Variants in SORL1 observed in about 807,000 individuals in gnomAD.
SORL1 encodes the protein sortilin related receptor 1, also known as sortilin-related receptor.
SORL1 carries 127 observed loss-of-function variants against 273.7 expected under a neutral mutation model. The ratio of observed to expected loss-of-function variants is 0.46; its 90% confidence interval spans 0.40 to 0.54. SORL1 has a LOEUF of 0.54. Among genes scored for constraint, SORL1 ranks in the 20% least tolerant of loss-of-function variants. The pLI is 0.00. For missense variants in SORL1, 2,494 were observed against 2,846.1 expected (o/e 0.88, Z 2.81); for synonymous variants, 1,031 against 1,067.4 (o/e 0.97, Z 0.66).
At chr11:121,482,806 G>A (rs1861413256) in intron 3 of SORL1, among the ~76,000 whole-genome samples, 1 of 152,254 alleles carries the variant, frequency 6.6e-6, no homozygotes, top group Non-Finnish European at 1.5e-5. Flanking sequence ...AGGGCAGCGT[G>A]GATGTCTAGG....
At chr11:121,520,049 A>T (rs2134854742) in intron 8 of SORL1, among the ~76,000 whole-genome samples, 1 of 152,272 alleles carries the variant, frequency 6.6e-6, no homozygotes, top group South Asian at 2.1e-4. Flanking sequence ...TGAGGAGTTC[A>T]AGACCAGCCT....
chr11:121,508,250 C>T (rs1447726953), intron 6 of SORL1, among the ~76,000 whole-genome samples: 3 of 152,134 alleles, frequency 2.0e-5, no homozygotes, highest in African/African-American at 4.8e-5. Flanking sequence ...GACTAGACCC[C>T]GTTCATTTCT....
chr11:121,453,894 T>A (rs1860856699), intron 1 of SORL1, among the ~76,000 whole-genome samples: 1 of 152,232 alleles, frequency 6.6e-6, no homozygotes, highest in Non-Finnish European at 1.5e-5. Flanking sequence ...GCTGCTGAAA[T>A]ACCTCCTTTC....
intron 8 of SORL1, among the ~76,000 whole-genome samples, 164 bp from the exon 9 acceptor site, chr11:121,520,493 A>G (rs1862023196): frequency 6.6e-6 from 1 of 152,202 alleles, no homozygotes; most frequent in Non-Finnish European, 1.5e-5. Context: ...TTCCTTTTGG[A>G]ATGATGAAAT....
intron 25 of SORL1, among the ~76,000 whole-genome samples, chr11:121,578,550 C>T (rs559062183): frequency 3.0e-4 from 45 of 152,322 alleles, no homozygotes; most frequent in African/African-American, 1.0e-3. Context: ...TGCTTCCCCA[C>T]GGAGAGAGAT....
chr11:121,497,973 A>G (rs1031027804), intron 6 of SORL1, among the ~76,000 whole-genome samples: 3 of 152,182 alleles, frequency 2.0e-5, no homozygotes, highest in Non-Finnish European at 2.9e-5. Flanking sequence ...CCTTCTTAGT[A>G]GGATTTTAGG....
intron 12 of SORL1, among the ~76,000 whole-genome samples, chr11:121,541,092 C>T (rs1160731375): frequency 6.6e-6 from 1 of 152,240 alleles, no homozygotes; most frequent in Non-Finnish European, 1.5e-5. Flanking sequence ...TGAGATTTCT[C>T]CCCTTGTGAG....
chr11:121,558,103 C>A (rs1324461224), intron 19 of SORL1, among the ~76,000 whole-genome samples: 1 of 152,186 alleles, frequency 6.6e-6, no homozygotes, highest in Non-Finnish European at 1.5e-5. Context: ...TCTTGTGTAT[C>A]TTTCATGATT....
intron 13 of SORL1, 60 bp downstream of exon 13, chr11:121,543,786 C>A (rs1288469576): frequency 3.4e-6 from 5 of 1,485,368 alleles, no homozygotes; most frequent in Non-Finnish European, 3.7e-6. Context: ...CTGTTATGTG[C>A]AAAGCACCAG....
At chr11:121,551,060 T>A (rs1366592156) in intron 16 of SORL1, among the ~76,000 whole-genome samples, 1 of 152,258 alleles carries the variant, frequency 6.6e-6, no homozygotes, top group Non-Finnish European at 1.5e-5. Flanking sequence ...TATGTTAATT[T>A]TATAATAAAA....
At chr11:121,453,799 C>G (rs1329294520) in intron 1 of SORL1, among the ~76,000 whole-genome samples, 4 of 152,212 alleles carry the variant, frequency 2.6e-5, no homozygotes, top group Non-Finnish European at 5.9e-5. Flanking sequence ...CAAGGTCATA[C>G]CGGGAAGGTG....
At chr11:121,489,903 T>G in intron 4 of SORL1, 140 bp from the exon 5 acceptor site, 8 of 641,480 alleles carry the variant, frequency 1.2e-5, no homozygotes, top group Admixed American at 4.9e-5. Context: ...TTGGAGCAAC[T>G]GAGCTGGCTT....
chr11:121,509,262 T>A (rs1861837294), intron 6 of SORL1, among the ~76,000 whole-genome samples: 1 of 152,098 alleles, frequency 6.6e-6, no homozygotes, highest in Non-Finnish European at 1.5e-5. Flanking sequence ...GAGGGCTTAG[T>A]TCTTTACCCA....
At position 121,543,615 on chromosome 11, in the gene SORL1, G is replaced by A. The variant is rs1862379918; in HGVS notation, c.1753G>A (p.Gly585Ser). 1 of 1,613,908 alleles carries A rather than the reference G, an allele frequency of 6.2e-7. No homozygotes were observed. The highest frequency in any genetic ancestry group is 1.7e-5 in the Admixed American group (1 of 60,006). Residue 585 changes from glycine to serine, a missense_variant, in exon 13 of 48, where the codon GGC (glycine) becomes AGC (serine). By Grantham distance (56) the Gly-to-Ser change is moderately conservative. Transcript: ENST00000260197. ...CTCTGAGAAGCCAGTGTTTGTGTAT[G>A]GCCTCCTCACAGAACCTGGGGAGAA... ...IFSEKPVFVY[G>S]LLTEPGEKST...
Position 121,614,947 on chromosome 11 carries a change from A to G in SORL1, c.5496A>G (p.Ala1832=), listed in dbSNP as rs765348414. The G allele has an allele frequency of 3.7e-6, 6 of 1,613,698 alleles. No homozygotes were observed. In the African/African-American group the frequency reaches 8.0e-5, roughly 22 times the overall value. ...CTGACTTGGGGGATAGCCCTCTGGC[A>G]TTTGAGCATGTTATGACCAGAGGGG... is the stretch of plus-strand genomic sequence containing the variant. ...AKTDLGDSPL[A]FEHVMTRGVR... The change falls in exon 41 of 48, where the codon GCA becomes GCG. Residue 1832 remains alanine, a synonymous_variant. Coordinates refer to ENST00000260197, the MANE Select transcript of SORL1 (RefSeq NM_003105.6).
chr11:121,495,521 C>T (rs1054779693), intron 5 of SORL1, among the ~76,000 whole-genome samples: 3 of 152,176 alleles, frequency 2.0e-5, no homozygotes, highest in Admixed American at 1.3e-4. Context: ...AGCCATCATG[C>T]ATATGGGATT....
intron 11 of SORL1, among the ~76,000 whole-genome samples, chr11:121,531,929 T>A (rs996035957): frequency 9.2e-5 from 14 of 152,220 alleles, no homozygotes; most frequent in Admixed American, 9.2e-4. Context: ...GGACTTTTCC[T>A]TCGGGCAAAG....
At chr11:121,620,991 C>A in intron 43 of SORL1, 73 bp from the exon 44 acceptor site, 1 of 1,093,210 alleles carries the variant, frequency 9.1e-7, no homozygotes, top group Non-Finnish European at 1.3e-6. Context: ...ACTACATTGT[C>A]CACCATTGAA....
At chr11:121,589,619 T>C (rs993474526) in intron 29 of SORL1, among the ~76,000 whole-genome samples, 3 of 152,210 alleles carry the variant, frequency 2.0e-5, no homozygotes, top group African/African-American at 4.8e-5. Flanking sequence ...TTTCTGTGGT[T>C]GGGAAGACCA....
Sources: allele counts gnomAD v4.1 joint callset (sites outside exome capture counted in the v4.1 genomes callset), GRCh38; gene constraint gnomAD v4.1.1; transcripts MANE v1.5; gene names NCBI Gene and HGNC (gene_info 2026-07-23, HGNC 2026-07-21).